MYO5A: variants seen among roughly 807,000 people sequenced by gnomAD.
MYO5A encodes the protein unconventional myosin-Va.
A neutral mutation model predicts 249.7 loss-of-function variants in MYO5A; 98 were observed. The ratio of observed to expected loss-of-function variants is 0.39; its 90% confidence interval spans 0.33 to 0.46. The LOEUF is 0.46. Among genes scored for constraint, MYO5A ranks in the 20% least tolerant of loss-of-function variants. The probability of loss-of-function intolerance (pLI) is 0.98; values close to 1 mark genes in which losing one functional copy is unlikely to be tolerated. For missense variants in MYO5A, 1,696 were observed against 2,308.8 expected (o/e 0.73, Z 5.44); for synonymous variants, 778 against 810.6 (o/e 0.96, Z 0.68).
Position 52,314,211 on chromosome 15 carries a change from A to G in MYO5A, c.5410-8T>C. 6.3e-7 allele frequency: 1 copy of G among 1,598,352 alleles called. No individual in the cohort carries two copies. The highest frequency in any genetic ancestry group is 8.6e-7 in the Non-Finnish European group (1 of 1,165,942). ...ATTCAACACTTTCACAATCTGTGAG[A>G]AATGAAATGATCAAAGTTTTTGGCA... is the stretch of plus-strand genomic sequence containing the variant. On this transcript the variant is annotated splice_polypyrimidine_tract_variant and splice_region_variant and intron_variant, in intron 40 of 41. Coordinates refer to ENST00000399233, the MANE Select transcript of MYO5A (RefSeq NM_001382347.1).
intron 1 of MYO5A, among the ~76,000 whole-genome samples, chr15:52,471,313 T>G (rs2076462409): frequency 6.6e-6 from 1 of 151,754 alleles, no homozygotes; most frequent in South Asian, 2.1e-4. Flanking sequence ...GCATTAAAAA[T>G]CAGTTCGGGG....
At chr15:52,346,779 T>C (rs188341480) in intron 29 of MYO5A, among the ~76,000 whole-genome samples, 1,602 of 151,204 alleles carry the variant, frequency 0.011, 12 homozygotes, top group South Asian at 0.024. Context: ...AAAAAAAATA[T>C]ATATATATTT....
chr15:52,467,718 T>C (rs1267041848), intron 1 of MYO5A, among the ~76,000 whole-genome samples: 3 of 152,124 alleles, frequency 2.0e-5, no homozygotes. Context: ...CACAGCATAT[T>C]ATCATCAGAC....
chr15:52,500,389 C>T (rs753933589), intron 1 of MYO5A, among the ~76,000 whole-genome samples: 6 of 146,326 alleles, frequency 4.1e-5, no homozygotes, highest in Non-Finnish European at 5.9e-5. Flanking sequence ...TCTTTTTACC[C>T]GAGCTGGAGT....
intron 1 of MYO5A, among the ~76,000 whole-genome samples, chr15:52,479,723 C>T (rs1479913434): frequency 1.3e-5 from 2 of 152,190 alleles, no homozygotes; most frequent in African/African-American, 4.8e-5. Context: ...AATACAGTAG[C>T]TTGGAATTCA....
At chr15:52,377,198 C>A (rs1049373776) in intron 18 of MYO5A, among the ~76,000 whole-genome samples, 6 of 152,016 alleles carry the variant, frequency 3.9e-5, no homozygotes, top group African/African-American at 9.7e-5. Flanking sequence ...TCAAGGCTGG[C>A]GGATCATGAG....
chr15:52,524,353 A>C (rs2077687785), intron 1 of MYO5A, among the ~76,000 whole-genome samples: 1 of 152,150 alleles, frequency 6.6e-6, no homozygotes, highest in African/African-American at 2.4e-5. Context: ...GAGGAGTTAG[A>C]GATCAGCCTG....
chr15:52,443,966 G>A (rs2075838132), intron 1 of MYO5A, among the ~76,000 whole-genome samples: 1 of 151,970 alleles, frequency 6.6e-6, no homozygotes, highest in Admixed American at 6.6e-5. Flanking sequence ...CTGGGCAACA[G>A]AGGAAGACTC....
At chr15:52,370,981 T>C (rs1241202803) in intron 21 of MYO5A, among the ~76,000 whole-genome samples, 1 of 151,984 alleles carries the variant, frequency 6.6e-6, no homozygotes, top group African/African-American at 2.4e-5. Context: ...GACATGGTGG[T>C]GTGTACCTGT....
chr15:52,355,207 T>C (rs539501131), intron 25 of MYO5A, among the ~76,000 whole-genome samples: 1 of 152,342 alleles, frequency 6.6e-6, no homozygotes, highest in South Asian at 2.1e-4. Flanking sequence ...CAGAGAAAAC[T>C]GAAATCTGAT....
chr15:52,351,788 G>A (rs2039967333), intron 27 of MYO5A, among the ~76,000 whole-genome samples: 1 of 152,212 alleles, frequency 6.6e-6, no homozygotes, highest in Non-Finnish European at 1.5e-5. Context: ...CAAGGGGTGA[G>A]TTTAGCCAGT....
chr15:52,432,810 A>C (rs767959159), intron 2 of MYO5A, among the ~76,000 whole-genome samples: 5 of 152,172 alleles, frequency 3.3e-5, no homozygotes, highest in Non-Finnish European at 7.3e-5. Flanking sequence ...CCATGCTGCC[A>C]CCAATGAGTC....
chr15:52,387,378 G>C (rs752060613), intron 14 of MYO5A, among the ~76,000 whole-genome samples: 3 of 152,194 alleles, frequency 2.0e-5, no homozygotes, highest in Non-Finnish European at 4.4e-5. Flanking sequence ...GATGGAGTGC[G>C]TAAGGCCACG....
intron 1 of MYO5A, among the ~76,000 whole-genome samples, chr15:52,514,971 G>A (rs1015951907): frequency 6.6e-6 from 1 of 152,152 alleles, no homozygotes; most frequent in African/African-American, 2.4e-5. Flanking sequence ...AGCTGTTTGA[G>A]GAACCAGGAA....
In MYO5A at chr15:52,409,714, C is replaced by T. The variant is rs147806349; in HGVS notation, c.756+619G>A. On this transcript the variant is annotated intron_variant, in intron 6 of 41. Transcript: ENST00000399233. ...ACAGAACTGACAGTGTGTGATAAACCCATACCTATAAATATATAAATGTAT... is the reference window on the plus strand; with the variant it reads ...ACAGAACTGACAGTGTGTGATAAACTCATACCTATAAATATATAAATGTAT... 5.0e-3 allele frequency among the ~76,000 whole-genome samples: 760 copies of T among 152,122 alleles called. 29 individuals carry two copies. Among genetic ancestry groups the T allele is most frequent in the Admixed American group, 0.044 (665 of 15,278 alleles).
chr15:52,475,553 C>G (rs997164642), intron 1 of MYO5A, among the ~76,000 whole-genome samples: 3 of 152,210 alleles, frequency 2.0e-5, no homozygotes, highest in Non-Finnish European at 4.4e-5. Flanking sequence ...CTACACACTG[C>G]TTTGAATGTG....
Position 52,396,396 on chromosome 15 carries a change from A to G in MYO5A, c.1321T>C (p.Phe441Leu). Residue 441 changes from phenylalanine (F) to leucine (L), a missense_variant and splice_region_variant, in exon 11 of 42, where the codon TTT becomes CTT. Phe to Leu is a conservative substitution (Grantham distance 22). This residue lies in a region of MYO5A where 277 missense variants were observed against 422.4 expected (regional missense o/e 0.66). Coordinates refer to ENST00000399233, the MANE Select transcript of MYO5A (RefSeq NM_001382347.1). ...SFIGVLDIYGFETFEINSFEQ... is the reference protein window; with the variant it reads ...SFIGVLDIYGLETFEINSFEQ... Reference sequence around the variant, plus strand: ...AAACTATTTATCTCAAATGTTTCAAATCTGTAACCACAAAAATAATATGAA... The same window carrying G: ...AAACTATTTATCTCAAATGTTTCAAGTCTGTAACCACAAAAATAATATGAA... 6.5e-7 allele frequency: 1 copy of G among 1,530,618 alleles called. No individual in the cohort carries two copies. The highest frequency in any genetic ancestry group is 9.0e-7 in the Non-Finnish European group (1 of 1,108,866). 94.8% of individuals were successfully genotyped at this position (1,530,618 alleles called of 1,614,324 possible). A position where few individuals can be genotyped will look rare whatever the true frequency, so the allele number is the denominator to read the frequency against.
intron 9 of MYO5A, among the ~76,000 whole-genome samples, chr15:52,404,687 T>G (rs2042918629): frequency 6.6e-6 from 1 of 151,906 alleles, no homozygotes; most frequent in Non-Finnish European, 1.5e-5. Context: ...CTGTGAGACG[T>G]GAGTAAGAGC....
Position 52,482,726 on chromosome 15 carries a change from A to AT in MYO5A, c.27+46053_27+46054insA, listed in dbSNP as rs1567168081. Among the ~76,000 whole-genome samples, 93 of 152,172 alleles carry AT rather than the reference A, an allele frequency of 6.1e-4. 1 individual carries two copies. The highest frequency in any genetic ancestry group is 2.0e-3 in the African/African-American group (83 of 41,508). On this transcript the variant is annotated intron_variant, in intron 1 of 41. Coordinates refer to ENST00000399233, the MANE Select transcript of MYO5A (RefSeq NM_001382347.1). The stretch of plus-strand genomic sequence containing the variant: ...TGTGAACCTAAAATGGCTTTAAAAA[A>AT]ATTTTTTTAAGTGAATCCGGTCCAT...
Sources: gnomAD v4.1 joint callset for allele counts (sites outside exome capture counted in the v4.1 genomes callset) on GRCh38, gnomAD v4.1.1 for gene constraint, gnomAD v4.1.1 regional missense constraint, MANE v1.5 for transcripts, NCBI Gene and HGNC (gene_info 2026-07-23, HGNC 2026-07-21) for gene names.